Variants in CLSTN2 observed in about 807,000 individuals in gnomAD.
The protein encoded by CLSTN2 is calsyntenin 2.
Under a neutral mutation model 101.2 loss-of-function variants are expected in CLSTN2, and 48 were observed. That is an observed-to-expected ratio of 0.47 (90% confidence interval 0.38 to 0.60). The LOEUF is 0.60. CLSTN2 is among the 20% of genes least tolerant of loss of function. The pLI, the probability that CLSTN2 is intolerant of heterozygous loss-of-function variation, is 0.00. For synonymous variants in CLSTN2, 481 were observed against 463.6 expected, an observed-to-expected ratio of 1.04 and a Z score of -0.48; for missense variants, 1,160 against 1,238.2, an observed-to-expected ratio of 0.94 and a Z score of 0.95.
chr3:140,400,673 T>G (rs2088231349), intron 2 of CLSTN2, among the ~76,000 whole-genome samples: 1 of 151,954 alleles, frequency 6.6e-6, no homozygotes, highest in African/African-American at 2.4e-5. Flanking sequence ...CATTCCAGCC[T>G]GGGTGACAAA....
At position 140,151,511 on chromosome 3, in the gene CLSTN2, G is replaced by A. The variant is rs7625094; in HGVS notation, c.110-24440G>A. ...GCTAAGAAGTGGGATCTTTATACAC[G>A]GGGTGACGGGAGTTGCTGGAAGGGT... On this transcript the variant is annotated intron_variant, in intron 1 of 16. Transcript: ENST00000458420. Among the ~76,000 whole-genome samples, 619 of 152,092 alleles carry A rather than the reference G, an allele frequency of 4.1e-3. 5 individuals are homozygous for A. The highest frequency in any genetic ancestry group is 0.014 in the African/African-American group (562 of 41,512).
At chr3:140,146,547 G>A (rs777226596) in intron 1 of CLSTN2, among the ~76,000 whole-genome samples, 1 of 152,210 alleles carries the variant, frequency 6.6e-6, no homozygotes, top group Non-Finnish European at 1.5e-5. Context: ...AAGCAGGTAG[G>A]TAATTCAGAG....
chr3:140,503,050 T>A (rs1934613013), intron 8 of CLSTN2, among the ~76,000 whole-genome samples: 1 of 152,138 alleles, frequency 6.6e-6, no homozygotes, highest in Admixed American at 6.5e-5. Flanking sequence ...TTATAGCCCC[T>A]TTCATCTTTA....
At chr3:140,405,145 A>G (rs546802035) in intron 4 of CLSTN2, among the ~76,000 whole-genome samples, 12 of 152,252 alleles carry the variant, frequency 7.9e-5, no homozygotes, top group African/African-American at 2.9e-4. Flanking sequence ...ATAAGTCATA[A>G]TACCAGCCCT....
intron 8 of CLSTN2, among the ~76,000 whole-genome samples, chr3:140,501,706 T>G (rs372680715): frequency 1.0e-3 from 159 of 152,360 alleles, no homozygotes; most frequent in African/African-American, 3.7e-3. Context: ...ACACAGACAC[T>G]CTATCTAAAT....
intron 4 of CLSTN2, among the ~76,000 whole-genome samples, chr3:140,412,093 A>G (rs2088371226): frequency 6.6e-6 from 1 of 152,212 alleles, no homozygotes; most frequent in Admixed American, 6.5e-5. Context: ...TAGGCTCACC[A>G]TAACCTCTGC....
chr3:139,949,715 C>A (rs947185555), intron 1 of CLSTN2, among the ~76,000 whole-genome samples: 3 of 152,140 alleles, frequency 2.0e-5, no homozygotes, highest in African/African-American at 7.2e-5. Flanking sequence ...CATTGGATAC[C>A]AAACACGTGG....
chr3:140,074,338 T>C (rs1433895682), intron 1 of CLSTN2, among the ~76,000 whole-genome samples: 1 of 152,166 alleles, frequency 6.6e-6, no homozygotes, highest in African/African-American at 2.4e-5. Flanking sequence ...GTTTGGCATG[T>C]GCATTGGCCG....
intron 2 of CLSTN2, among the ~76,000 whole-genome samples, chr3:140,278,413 C>A (rs1390744987): frequency 6.6e-6 from 1 of 152,200 alleles, no homozygotes; most frequent in Admixed American, 6.5e-5. Context: ...TCCCCTTTGC[C>A]TGTGAAGCAC....
intron 1 of CLSTN2, among the ~76,000 whole-genome samples, chr3:140,115,845 G>A (rs1353794808): frequency 6.6e-6 from 1 of 152,190 alleles, no homozygotes; most frequent in Non-Finnish European, 1.5e-5. Flanking sequence ...TAGCTTCCTA[G>A]GCTTGATCAG....
chr3:140,033,388 T>G (rs761496724), intron 1 of CLSTN2, among the ~76,000 whole-genome samples: 5 of 152,248 alleles, frequency 3.3e-5, no homozygotes, highest in Admixed American at 6.5e-5. Flanking sequence ...AGAAAGAGGC[T>G]TCCTCTTCTG....
intron 2 of CLSTN2, among the ~76,000 whole-genome samples, chr3:140,333,190 C>T (rs1361242257): frequency 6.6e-6 from 1 of 152,162 alleles, no homozygotes; most frequent in African/African-American, 2.4e-5. Flanking sequence ...AGCTTGTTGC[C>T]AAGGCATATC....
rs76781948 is a variant in CLSTN2 at position 140,019,747 on chromosome 3, G to C, written c.109+84264G>C. Among the ~76,000 whole-genome samples the C allele has an allele frequency of 5.2e-4, 79 of 152,228 alleles. 2 individuals are homozygous for C. The East Asian group carries it at 0.015, about 29-fold the overall frequency. The stretch of plus-strand genomic sequence containing the variant: ...GGGACCAGTGTACTTATCTGGGTGG[G>C]ATGTGGCACATTTGGTGGTTGCAGT... On this transcript the variant is annotated intron_variant, in intron 1 of 16. Transcript: ENST00000458420.
chr3:140,368,492 C>A (rs747842867), intron 2 of CLSTN2, among the ~76,000 whole-genome samples: 4 of 152,162 alleles, frequency 2.6e-5, no homozygotes, highest in Non-Finnish European at 5.9e-5. Context: ...CCTCTGGCTT[C>A]GGGTCTCTGA....
In CLSTN2 at chr3:140,561,399, A is replaced by T. The variant is rs569440768; in HGVS notation, c.2042-739A>T. ...CTGCCGAACTCTGCCCAGCATTCAA[A>T]TACTCAGACATTTCTTTGGGAAATT... On this transcript the variant is annotated intron_variant, in intron 12 of 16. Transcript: ENST00000458420. Among the ~76,000 whole-genome samples the T allele has an allele frequency of 7.9e-5, 12 of 152,320 alleles. 1 individual carries two copies. In the South Asian group the frequency reaches 2.5e-3, roughly 32 times the overall value.
chr3:140,402,592 G>A (rs370643864), intron 2 of CLSTN2, among the ~76,000 whole-genome samples: 5 of 152,214 alleles, frequency 3.3e-5, no homozygotes, highest in African/African-American at 1.2e-4. Flanking sequence ...ACTAGGGTGA[G>A]GCAAGAAGGT....
At chr3:140,435,811 T>C (rs1163521241) in intron 5 of CLSTN2, among the ~76,000 whole-genome samples, 1 of 152,228 alleles carries the variant, frequency 6.6e-6, no homozygotes, top group African/African-American at 2.4e-5. Flanking sequence ...TGCATTTCTC[T>C]GATGATCAGT....
rs572256019 is a variant in CLSTN2 at position 140,552,768 on chromosome 3, T to C, written c.1675-3745T>C. On this transcript the variant is annotated intron_variant, in intron 10 of 16. Transcript: ENST00000458420. The stretch of plus-strand genomic sequence containing the variant: ...ACCCTGCAGTGATGCTGAGGAAAAG[T>C]CAGTAGCCCCTGCCCTTGAGGTGCT... 7.7e-4 allele frequency among the ~76,000 whole-genome samples: 118 copies of C among 152,278 alleles called. 2 individuals are homozygous for C. The South Asian group carries it at 0.024, about 30-fold the overall frequency.
chr3:140,306,182 C>T (rs1336449711), intron 2 of CLSTN2, among the ~76,000 whole-genome samples: 1 of 152,184 alleles, frequency 6.6e-6, no homozygotes, highest in Non-Finnish European at 1.5e-5. Flanking sequence ...CTGTGTATCC[C>T]CTTTATTCCC....
Sources: allele counts gnomAD v4.1 joint callset (sites outside exome capture counted in the v4.1 genomes callset), GRCh38; gene constraint gnomAD v4.1.1; transcripts MANE v1.5; gene names NCBI Gene and HGNC (gene_info 2026-07-23, HGNC 2026-07-21).